The following EIF5B variants were observed in gnomAD, a reference collection of about 807,000 sequenced individuals.
EIF5B encodes eIF-5B.
A neutral mutation model predicts 147.5 loss-of-function variants in EIF5B; 47 were observed. That is an observed-to-expected ratio of 0.32 (90% confidence interval 0.25 to 0.41). The LOEUF is 0.41. EIF5B is among the 10% of genes least tolerant of loss of function. The pLI, the probability that EIF5B is intolerant of heterozygous loss-of-function variation, is 1.00. For synonymous variants in EIF5B, 455 were observed against 456.2 expected (o/e 1.00, Z 0.03); for missense variants, 1,064 against 1,413.2 (o/e 0.75, Z 3.96).
At position 99,360,541 on chromosome 2, in the gene EIF5B, G is replaced by T. The variant is rs114030806; in HGVS notation, c.238G>T (p.Ala80Ser). ...QGIKADRETV[A>S]VKPTENNEEE... is the part of the protein sequence containing the mutation. ...CATCAAAGCTGACAGAGAAACTGTT[G>T]CAGTGAAGGTGAAAGACAGACCTTT... is the stretch of plus-strand genomic sequence containing the variant. Residue 80 changes from alanine to serine, a missense_variant, in exon 3 of 24, where the codon GCA becomes TCA. Coordinates refer to ENST00000289371, the MANE Select transcript of EIF5B (RefSeq NM_015904.4). 510 of 1,612,910 alleles carry T rather than the reference G, an allele frequency of 3.2e-4. 3 individuals carry two copies. The African/African-American group carries it at 6.3e-3, about 20-fold the overall frequency.
chr2:99,400,594 G>A lies in EIF5B; in HGVS notation c.*1180G>A, dbSNP rs1675239878. On this transcript the variant is annotated 3_prime_UTR_variant, in exon 24 of 24. Transcript: ENST00000289371. ...TATCATCAAAGTTTCTCAATGGCCA[G>A]TAGAAGCAAAAAGACAACACCACCT... The A allele has an allele frequency of 6.6e-6, 1 of 152,118 alleles. No homozygotes were observed. Among genetic ancestry groups the A allele is most frequent in the Non-Finnish European group, 1.5e-5 (1 of 68,028 alleles). The allele number at this position is 152,118 out of a possible 1,614,324, so 9.4% of individuals were successfully genotyped here. A position where few individuals can be genotyped will look rare whatever the true frequency, so the allele number is the denominator to read the frequency against.
chr2:99,338,458 G>A (rs1026156989), intron 1 of EIF5B: 21 of 602,188 alleles, frequency 3.5e-5, no homozygotes, highest in Non-Finnish European at 5.5e-5. Flanking sequence ...AATACGAGGC[G>A]GAGAGTAAGG....
At chr2:99,347,709 T>A (rs183539887) in intron 1 of EIF5B, among the ~76,000 whole-genome samples, 127 of 152,260 alleles carry the variant, frequency 8.3e-4, no homozygotes, top group Middle Eastern at 6.8e-3. Flanking sequence ...CTTTTTTTTT[T>A]ATTTGAACTA....
chr2:99,353,751 A>T (rs1674034274), intron 1 of EIF5B, among the ~76,000 whole-genome samples: 1 of 152,200 alleles, frequency 6.6e-6, no homozygotes, highest in Non-Finnish European at 1.5e-5. Flanking sequence ...TGTCTTTCAA[A>T]AATGTTGTAT....
At chr2:99,397,187 TG>T (rs1294790465) in intron 22 of EIF5B, 3 of 248,108 alleles carry the variant, frequency 1.2e-5, no homozygotes, top group Non-Finnish European at 2.3e-5. Flanking sequence ...TTCAGTTAAT[TG>T]GGGCTCCAAG....
chr2:99,357,536 C>T (rs1674119089), intron 1 of EIF5B, among the ~76,000 whole-genome samples: 1 of 152,120 alleles, frequency 6.6e-6, no homozygotes, highest in South Asian at 2.1e-4. Flanking sequence ...TCACAAAAAG[C>T]CTTTCAGACT....
intron 1 of EIF5B, among the ~76,000 whole-genome samples, chr2:99,350,593 T>C (rs549866283): frequency 6.6e-6 from 1 of 152,336 alleles, no homozygotes; most frequent in East Asian, 1.9e-4. Context: ...TTGCCCATTG[T>C]TTAGTTGGAT....
intron 14 of EIF5B, among the ~76,000 whole-genome samples, chr2:99,383,296 A>G (rs1331371332): frequency 2.0e-5 from 3 of 152,168 alleles, no homozygotes; most frequent in Non-Finnish European, 4.4e-5. Flanking sequence ...GCCACAAACC[A>G]CACCCCTATA....
chr2:99,347,392 G>A (rs1018442273), intron 1 of EIF5B, among the ~76,000 whole-genome samples: 4 of 152,152 alleles, frequency 2.6e-5, no homozygotes, highest in African/African-American at 4.8e-5. Flanking sequence ...ATGATGCCAC[G>A]TTGTTGAATC....
intron 8 of EIF5B, among the ~76,000 whole-genome samples, chr2:99,369,759 G>A (rs750117336): frequency 6.6e-6 from 1 of 152,136 alleles, no homozygotes; most frequent in Non-Finnish European, 1.5e-5. Flanking sequence ...GATGGATCAC[G>A]AGATCAGAAG....
rs1675262691 is a variant in EIF5B at position 99,400,715 on chromosome 2, A to AAGT, written c.*1306_*1308dup. On this transcript the variant is annotated 3_prime_UTR_variant, in exon 24 of 24. Transcript: ENST00000289371. ...ATATGTAGATTTCTCCGCATGGAAG[A>AAGT]AGTAGTAAAGATTTTCTTAACATGC... 2.0e-5 allele frequency: 3 copies of AAGT among 152,302 alleles called. No individual in the cohort carries two copies. The highest frequency in any genetic ancestry group is 7.2e-5 in the African/African-American group (3 of 41,454). 9.4% of individuals were successfully genotyped at this position (152,302 alleles called of 1,614,324 possible). A position where few individuals can be genotyped will look rare whatever the true frequency, so the allele number is the denominator to read the frequency against.
At chr2:99,397,103 CCTT>C (rs1331207391) in intron 22 of EIF5B, 2 of 454,546 alleles carry the variant, frequency 4.4e-6, no homozygotes, top group Non-Finnish European at 7.4e-6. Context: ...GAGCCTGTCA[CCTT>C]CTGTTGTGCT....
At chr2:99,367,891 GAA>G in intron 6 of EIF5B, among the ~76,000 whole-genome samples, 1 of 152,234 alleles carries the variant, frequency 6.6e-6, no homozygotes, top group Non-Finnish European at 1.5e-5. Context: ...TTGCCCAAGA[GAA>G]ATGTTCACAC....
chr2:99,352,411 T>C lies in EIF5B; in HGVS notation c.36-7825T>C, dbSNP rs1466068686. On this transcript the variant is annotated intron_variant, in intron 1 of 23. Coordinates refer to ENST00000289371, the MANE Select transcript of EIF5B (RefSeq NM_015904.4). The stretch of plus-strand genomic sequence containing the variant: ...AGTTTTGCCATGTTGGTCAGGCTGG[T>C]ATCCAACTCCCAACCTCAGGTGATC... Among the ~76,000 whole-genome samples, 4 of 151,970 alleles carry C rather than the reference T, an allele frequency of 2.6e-5. No homozygotes were observed. In the East Asian group the frequency reaches 7.8e-4, roughly 30 times the overall value.
intron 14 of EIF5B, among the ~76,000 whole-genome samples, chr2:99,386,272 A>C (rs1199046216): frequency 6.6e-6 from 1 of 152,222 alleles, no homozygotes; most frequent in East Asian, 1.9e-4. Context: ...ACTTATGCTT[A>C]GAGAGATGAC....
chr2:99,371,306 G>A (rs902503716), intron 8 of EIF5B, among the ~76,000 whole-genome samples: 1 of 152,026 alleles, frequency 6.6e-6, no homozygotes, highest in Admixed American at 6.5e-5. Context: ...GGCTAACACG[G>A]TGAAACCCCG....
At chr2:99,386,675 G>A (rs1213926011) in intron 14 of EIF5B, among the ~76,000 whole-genome samples, 8 of 150,136 alleles carry the variant, frequency 5.3e-5, no homozygotes, top group Non-Finnish European at 1.2e-4. Flanking sequence ...TTACAGGCAT[G>A]CACCACCACA....
At chr2:99,388,082 A>G (rs1459880127) in intron 14 of EIF5B, among the ~76,000 whole-genome samples, 1 of 152,186 alleles carries the variant, frequency 6.6e-6, no homozygotes, top group Non-Finnish European at 1.5e-5. Context: ...GCTATTGTAA[A>G]TAGCATGAAA....
At chr2:99,390,143 C>T (rs544808952) in intron 15 of EIF5B, 76 bp from the exon 16 acceptor site, 309 of 1,527,784 alleles carry the variant, frequency 2.0e-4, no homozygotes, top group South Asian at 4.5e-4. Context: ...TTTGCTCATC[C>T]GGCTTCTAGT....
Sources: gnomAD v4.1 joint callset for allele counts (sites outside exome capture counted in the v4.1 genomes callset) on GRCh38, gnomAD v4.1.1 for gene constraint, MANE v1.5 for transcripts, NCBI Gene and HGNC (gene_info 2026-07-23, HGNC 2026-07-21) for gene names.